Variants in TBC1D19 observed in about 807,000 individuals in gnomAD.
TBC1D19 encodes TBC1 domain family member 19.
TBC1D19 carries 60 observed loss-of-function variants against 89.0 expected under a neutral mutation model. That is an observed-to-expected ratio of 0.67 (90% CI 0.55 to 0.84). The LOEUF (loss-of-function observed/expected upper bound fraction) is 0.84. Among genes scored for constraint, TBC1D19 ranks in the 40% least tolerant of loss-of-function variants. The probability of loss-of-function intolerance (pLI) is 0.00; values close to 1 mark genes in which losing one functional copy is unlikely to be tolerated. For missense variants in TBC1D19, 500 were observed against 610.8 expected (o/e 0.82, Z 1.91); for synonymous variants, 189 against 199.7 (o/e 0.95, Z 0.45).
intron 16 of TBC1D19, among the ~76,000 whole-genome samples, chr4:26,737,095 G>A (rs1718096753): frequency 6.6e-6 from 1 of 152,116 alleles, no homozygotes; most frequent in African/African-American, 2.4e-5. Context: ...GTAAACATCA[G>A]TGTTCAACAT....
chr4:26,753,228 A>G (rs1234709028), intron 19 of TBC1D19, among the ~76,000 whole-genome samples: 6 of 152,228 alleles, frequency 3.9e-5, no homozygotes, highest in Non-Finnish European at 8.8e-5. Flanking sequence ...CCTCCTTGTT[A>G]CATATGAAAC....
At chr4:26,845,473 A>G in the TBC1D19 span, among the ~76,000 whole-genome samples, 1 of 152,208 alleles carries the variant, frequency 6.6e-6, no homozygotes, top group East Asian at 1.9e-4. Context: ...TATCACTATT[A>G]TCCATCTCCA....
At chr4:26,651,214 C>G (rs1744350199) in intron 7 of TBC1D19, among the ~76,000 whole-genome samples, 1 of 152,140 alleles carries the variant, frequency 6.6e-6, no homozygotes, top group South Asian at 2.1e-4. Context: ...TTTTTGGTTC[C>G]ATGCAAACTT....
chr4:26,678,162 G>T (rs538150205), intron 11 of TBC1D19, among the ~76,000 whole-genome samples: 11 of 152,176 alleles, frequency 7.2e-5, no homozygotes, highest in Non-Finnish European at 1.5e-4. Context: ...TAGTGATATG[G>T]ACAATGAAGT....
intron 4 of TBC1D19, among the ~76,000 whole-genome samples, chr4:26,630,860 G>A (rs985725963): frequency 6.6e-6 from 1 of 151,970 alleles, no homozygotes; most frequent in Non-Finnish European, 1.5e-5. Context: ...GTCAGCGAGT[G>A]AATAAAGGAA....
the TBC1D19 span, among the ~76,000 whole-genome samples, chr4:26,824,532 T>G: frequency 1.3e-5 from 2 of 152,246 alleles, no homozygotes; most frequent in African/African-American, 4.8e-5. Flanking sequence ...ACTCTGAAAT[T>G]ATGACCGTCA....
intron 13 of TBC1D19, among the ~76,000 whole-genome samples, chr4:26,713,810 A>G (rs1434695774): frequency 6.6e-6 from 1 of 152,084 alleles, no homozygotes; most frequent in Non-Finnish European, 1.5e-5. Context: ...AGGGATATAA[A>G]TATACAGCCA....
the TBC1D19 span, among the ~76,000 whole-genome samples, chr4:26,803,087 T>C: frequency 1.3e-5 from 2 of 152,172 alleles, no homozygotes; most frequent in Admixed American, 1.3e-4. Context: ...AGGTTAGGGC[T>C]TCAACATATG....
At chr4:26,742,154 A>G (rs140321727) in intron 17 of TBC1D19, among the ~76,000 whole-genome samples, 2,832 of 152,274 alleles carry the variant, frequency 0.019, 29 homozygotes, top group Middle Eastern at 0.092. Flanking sequence ...GATAAAAACT[A>G]ATTTTGCTGG....
intron 7 of TBC1D19, among the ~76,000 whole-genome samples, chr4:26,646,030 G>A (rs1743910017): frequency 6.6e-6 from 1 of 150,932 alleles, no homozygotes; most frequent in African/African-American, 2.4e-5. Context: ...GGCTGAGGCA[G>A]GAGAATGGCG....
At chr4:26,839,716 A>T in the TBC1D19 span, among the ~76,000 whole-genome samples, 2 of 152,208 alleles carry the variant, frequency 1.3e-5, no homozygotes, top group Non-Finnish European at 2.9e-5. Flanking sequence ...TGTTCTCATT[A>T]AGATCACCAA....
intron 4 of TBC1D19, among the ~76,000 whole-genome samples, chr4:26,629,163 C>A (rs1742632546): frequency 6.6e-6 from 1 of 152,004 alleles, no homozygotes; most frequent in Non-Finnish European, 1.5e-5. Flanking sequence ...TTTGAAACTG[C>A]CTCCTCTCAT....
the TBC1D19 span, chr4:26,858,506 C>T: frequency 4.6e-5 from 7 of 152,210 alleles, no homozygotes; most frequent in Non-Finnish European, 1.0e-4. Context: ...AAGCGATTGC[C>T]TCATTTGGAG....
the TBC1D19 span, among the ~76,000 whole-genome samples, chr4:26,837,672 T>G: frequency 4.6e-5 from 7 of 152,318 alleles, no homozygotes; most frequent in African/African-American, 1.7e-4. Flanking sequence ...CATAACATGA[T>G]TTAGCGATCA....
At chr4:26,809,337 C>G in the TBC1D19 span, among the ~76,000 whole-genome samples, 5 of 152,246 alleles carry the variant, frequency 3.3e-5, no homozygotes, top group South Asian at 2.1e-4. Context: ...AGGGACTGGA[C>G]AAGAGAGGGG....
At chr4:26,838,062 G>A in the TBC1D19 span, among the ~76,000 whole-genome samples, 1 of 152,104 alleles carries the variant, frequency 6.6e-6, no homozygotes, top group Non-Finnish European at 1.5e-5. Context: ...GCTAAAGAGT[G>A]GTTGAATTAT....
At chr4:26,695,722 G>T (rs2109187139) in intron 13 of TBC1D19, among the ~76,000 whole-genome samples, 1 of 152,292 alleles carries the variant, frequency 6.6e-6, no homozygotes, top group Admixed American at 6.5e-5. Flanking sequence ...TTAAAGAAAA[G>T]AATTTTCAAC....
chr4:26,596,238 T>C (rs919195622), intron 1 of TBC1D19, among the ~76,000 whole-genome samples: 3 of 152,216 alleles, frequency 2.0e-5, no homozygotes, highest in African/African-American at 7.2e-5. Context: ...AGTACAGGCA[T>C]GAGCCACCGT....
intron 6 of TBC1D19, among the ~76,000 whole-genome samples, chr4:26,639,855 T>C (rs529720898): frequency 1.3e-5 from 2 of 152,318 alleles, no homozygotes; most frequent in South Asian, 4.1e-4. Flanking sequence ...TCTCATATAG[T>C]ACCTTTATGT....
Sources: allele counts gnomAD v4.1 joint callset (sites outside exome capture counted in the v4.1 genomes callset), GRCh38; gene constraint gnomAD v4.1.1; transcripts MANE v1.5; gene names NCBI Gene and HGNC (gene_info 2026-07-23, HGNC 2026-07-21).